The following AAK1 variants were observed in gnomAD, a reference collection of about 807,000 sequenced individuals.
AAK1 encodes the protein AP2-associated protein kinase 1.
In AAK1, 37 loss-of-function variants were observed where a neutral mutation model predicts 116.0. The observed-to-expected ratio is 0.32, with a 90% CI of 0.25 to 0.42. The LOEUF is 0.42. AAK1 is among the 10% of genes least tolerant of loss of function. The pLI, the probability that AAK1 is intolerant of heterozygous loss-of-function variation, is 1.00. For synonymous variants in AAK1, 458 were observed against 439.9 expected (o/e 1.04, Z -0.51); for missense variants, 919 against 1,170.6 (o/e 0.79, Z 3.14).
intron 2 of AAK1, among the ~76,000 whole-genome samples, chr2:69,634,714 A>G (rs914891305): frequency 6.6e-6 from 1 of 152,224 alleles, no homozygotes; most frequent in Non-Finnish European, 1.5e-5. Context: ...GTTATGAAAG[A>G]TTTCATGAAG....
chr2:69,495,293 C>T (rs911029520), intron 17 of AAK1, among the ~76,000 whole-genome samples: 14 of 152,150 alleles, frequency 9.2e-5, no homozygotes, highest in Admixed American at 1.3e-4. Context: ...AATCACTGTT[C>T]CAAAAGCTCT....
At chr2:69,587,487 TGTC>T (rs1349517989) in intron 2 of AAK1, among the ~76,000 whole-genome samples, 2 of 147,702 alleles carry the variant, frequency 1.4e-5, no homozygotes, top group African/African-American at 5.1e-5. Flanking sequence ...ATTTTTTTGA[TGTC>T]GTTTCGCTCT....
Position 69,465,876 on chromosome 2 carries a change from G to A in AAK1, c.*9993C>T, listed in dbSNP as rs773474226. 1.5e-5 allele frequency: 20 copies of A among 1,290,690 alleles called. No individual in the cohort carries two copies. Among genetic ancestry groups the A allele is most frequent in the Middle Eastern group, 4.2e-4 (2 of 4,718 alleles). The allele number at this position is 1,290,690 out of a possible 1,614,324, so 80.0% of individuals were successfully genotyped here. On this transcript the variant is annotated 3_prime_UTR_variant, in exon 22 of 22. Transcript: ENST00000409085. ...GGTGTACACAGCTCTCTCACGGCCC[G>A]CGGGCAGGGGGACATCACCTGTCTG...
At chr2:69,479,905 G>A (rs1178647547) in intron 19 of AAK1, among the ~76,000 whole-genome samples, 12 of 152,030 alleles carry the variant, frequency 7.9e-5, no homozygotes, top group African/African-American at 2.2e-4. Flanking sequence ...ACAGGCATGC[G>A]CTACCACAAC....
At position 69,472,797 on chromosome 2, in the gene AAK1, C is replaced by A. The variant is rs774045102; in HGVS notation, c.*3072G>T. 347 of 688,182 alleles carry A rather than the reference C, an allele frequency of 5.0e-4. No individual in the cohort carries two copies. Among genetic ancestry groups the A allele is most frequent in the Non-Finnish European group, 5.8e-4 (329 of 564,664 alleles). 42.6% of individuals were successfully genotyped at this position (688,182 alleles called of 1,614,324 possible). On this transcript the variant is annotated 3_prime_UTR_variant, in exon 22 of 22. Coordinates refer to ENST00000409085, the MANE Select transcript of AAK1 (RefSeq NM_014911.5). ...CCTGATTATACATTTAAAAAGAAAT[C>A]TTCTGATACCATTTTATTAGAATAG...
chr2:69,585,453 T>G (rs1672724141), intron 2 of AAK1, among the ~76,000 whole-genome samples: 1 of 152,144 alleles, frequency 6.6e-6, no homozygotes, highest in African/African-American at 2.4e-5. Flanking sequence ...GCACTGAGTT[T>G]TCCAAGTTCT....
chr2:69,496,039 G>C lies in AAK1; in HGVS notation c.2311C>G (p.Pro771Ala). The C allele has an allele frequency of 6.4e-7, 1 of 1,555,434 alleles. No homozygotes were observed. The highest frequency in any genetic ancestry group is 8.7e-7 in the Non-Finnish European group (1 of 1,149,160). Residue 771 changes from proline (P) to alanine (A), a missense_variant, in exon 17 of 22, where the codon CCG becomes GCG. Physicochemically the swap from Pro to Ala is conservative, Grantham distance 27. This residue lies in a region of AAK1 where 263 missense variants were observed against 285.5 expected (regional missense o/e 0.92). Transcript: ENST00000409085. ...AAAGGATCAGACACGCTTAGAAGCGGGAGGCCAGAGTCCACAGTCTGCCCA... is the reference window on the plus strand; with the variant it reads ...AAAGGATCAGACACGCTTAGAAGCGCGAGGCCAGAGTCCACAGTCTGCCCA... ...KGGQTVDSGLPLLSVSDPFIP... is the reference protein window; with the variant it reads ...KGGQTVDSGLALLSVSDPFIP...
rs576036874 is a variant in AAK1 at position 69,643,268 on chromosome 2, T to C, written c.-228A>G. On this transcript the variant is annotated 5_prime_UTR_variant, in exon 2 of 22. Transcript: ENST00000409085. ...TCCTCCAGAAAGCGATTCGTGTAAG[T>C]TTAAACCTGTGATGACAGAGGAAGA... 4.9e-5 allele frequency: 68 copies of C among 1,401,862 alleles called. No individual in the cohort carries two copies. The African/African-American group carries it at 8.6e-4, about 18-fold the overall frequency. 86.8% of individuals were successfully genotyped at this position (1,401,862 alleles called of 1,614,324 possible). A position where few individuals can be genotyped will look rare whatever the true frequency, so the allele number is the denominator to read the frequency against.
chr2:69,593,167 A>G (rs1036200884), intron 2 of AAK1, among the ~76,000 whole-genome samples: 1 of 152,210 alleles, frequency 6.6e-6, no homozygotes, highest in Non-Finnish European at 1.5e-5. Context: ...TTGATCCAAC[A>G]ATTATTTTGG....
chr2:69,500,698 T>TATATATAC, intron 16 of AAK1, among the ~76,000 whole-genome samples: 698 of 64,968 alleles, frequency 0.011, 8 homozygotes, highest in Non-Finnish European at 0.013. Context: ...TATATATATA[T>TATATATAC]ACACACACAC....
intron 2 of AAK1, among the ~76,000 whole-genome samples, chr2:69,589,727 AAAG>A: frequency 6.6e-6 from 1 of 150,476 alleles, no homozygotes; most frequent in Admixed American, 6.7e-5. Flanking sequence ...AAAAAAAAAA[AAAG>A]AAAGAAAGAA....
At chr2:69,631,316 G>C (rs980712844) in intron 2 of AAK1, among the ~76,000 whole-genome samples, 1 of 152,196 alleles carries the variant, frequency 6.6e-6, no homozygotes, top group African/African-American at 2.4e-5. Flanking sequence ...AAATTATGTG[G>C]CATTATGTTG....
intron 7 of AAK1, 96 bp downstream of exon 7, chr2:69,530,529 G>A: frequency 9.8e-7 from 1 of 1,018,452 alleles, no homozygotes. Flanking sequence ...ATATGGTACA[G>A]TAGCCACCAT....
chr2:69,571,153 C>T (rs980923962), intron 2 of AAK1, among the ~76,000 whole-genome samples: 1 of 152,202 alleles, frequency 6.6e-6, no homozygotes, highest in Non-Finnish European at 1.5e-5. Flanking sequence ...GTTTATCATA[C>T]TCTTCACCCT....
chr2:69,468,046 T>C lies in AAK1; in HGVS notation c.*7823A>G. 1.0e-6 allele frequency: 1 copy of C among 985,434 alleles called. No homozygotes were observed. The highest frequency in any genetic ancestry group is 1.2e-6 in the Non-Finnish European group (1 of 829,920). The allele number at this position is 985,434 out of a possible 1,614,324, so 61.0% of individuals were successfully genotyped here. On this transcript the variant is annotated 3_prime_UTR_variant, in exon 22 of 22. Coordinates refer to ENST00000409085, the MANE Select transcript of AAK1 (RefSeq NM_014911.5). ...TTGAATGCGTTCAGTGAATTCCAGA[T>C]TGGGGCGTTAAGTTAAATTCTGTAC...
chr2:69,564,947 C>T (rs939524566), intron 2 of AAK1, among the ~76,000 whole-genome samples: 1 of 152,138 alleles, frequency 6.6e-6, no homozygotes, highest in African/African-American at 2.4e-5. Flanking sequence ...CACCTCCCTG[C>T]AAAAACCACT....
chr2:69,474,280 C>T lies in AAK1; in HGVS notation c.*1589G>A, dbSNP rs1474702266. On this transcript the variant is annotated 3_prime_UTR_variant, in exon 22 of 22. Coordinates refer to ENST00000409085, the MANE Select transcript of AAK1 (RefSeq NM_014911.5). ...GACTTGGAATTTTATTTGTACAGAT[C>T]TGATTAACTAAGAGTTTCCCTTTTG... 4 of 985,654 alleles carry T rather than the reference C, an allele frequency of 4.1e-6. No homozygotes were observed. The African/African-American group carries it at 7.0e-5, about 17-fold the overall frequency. The allele number at this position is 985,654 out of a possible 1,614,324, so 61.1% of individuals were successfully genotyped here.
At chr2:69,598,986 C>G in intron 2 of AAK1, 1 of 398,592 alleles carries the variant, frequency 2.5e-6, no homozygotes, top group South Asian at 2.1e-5. Context: ...TAGAGAAGGA[C>G]ATGACACTTT....
chr2:69,526,613 A>G (rs1670035645), intron 9 of AAK1, among the ~76,000 whole-genome samples: 1 of 152,184 alleles, frequency 6.6e-6, no homozygotes, highest in Admixed American at 6.5e-5. Flanking sequence ...CAGCCGTACT[A>G]GCAACATTTG....
Sources: gnomAD v4.1 joint callset for allele counts (sites outside exome capture counted in the v4.1 genomes callset) on GRCh38, gnomAD v4.1.1 for gene constraint, gnomAD v4.1.1 regional missense constraint, MANE v1.5 for transcripts, NCBI Gene and HGNC (gene_info 2026-07-23, HGNC 2026-07-21) for gene names.